LIPK: variants seen among roughly 807,000 people sequenced by gnomAD.
LIPK encodes lipase family member K.
Under a neutral mutation model 48.6 loss-of-function variants are expected in LIPK, and 32 were observed. The ratio of observed to expected loss-of-function variants is 0.66; its 90% CI spans 0.50 to 0.88. The LOEUF (loss-of-function observed/expected upper bound fraction) is 0.88, where lower values mean the gene tolerates loss of function less well. Ranked by LOEUF, LIPK falls within the 40% of genes least tolerant of loss-of-function variation. The pLI, the probability that LIPK is intolerant of heterozygous loss-of-function variation, is 0.00. For missense variants in LIPK, 507 were observed against 478.5 expected (o/e 1.06, Z -0.56); for synonymous variants, 164 against 157.4 (o/e 1.04, Z -0.32).
At chr10:88,740,725 G>C (rs442131) in intron 8 of LIPK, among the ~76,000 whole-genome samples, 33,060 of 152,018 alleles carry the variant, frequency 0.22, 3,751 homozygotes, top group East Asian at 0.36. Context: ...CAGTCACAAC[G>C]CCTTTTGAAA....
intron 6 of LIPK, among the ~76,000 whole-genome samples, chr10:88,737,284 G>T (rs1842591735): frequency 6.6e-6 from 1 of 152,096 alleles, no homozygotes; most frequent in South Asian, 2.1e-4. Flanking sequence ...CCATTTTATA[G>T]ATGAGAAAAT....
At chr10:88,728,482 G>A in intron 3 of LIPK, 1 of 221,028 alleles carries the variant, frequency 4.5e-6, no homozygotes, top group Non-Finnish European at 9.3e-6. Context: ...AGAGAACGCA[G>A]AGCAGCGTGG....
chr10:88,734,005 G>T (rs188879682), intron 6 of LIPK, among the ~76,000 whole-genome samples: 8 of 152,254 alleles, frequency 5.3e-5, no homozygotes, highest in Admixed American at 4.6e-4. Flanking sequence ...TGTTAATGAA[G>T]GGAGGCCATT....
At chr10:88,746,565 A>G (rs1842769337) in intron 9 of LIPK, among the ~76,000 whole-genome samples, 1 of 152,196 alleles carries the variant, frequency 6.6e-6, no homozygotes, top group African/African-American at 2.4e-5. Context: ...ATTCTTTGAA[A>G]CTAATGAAAA....
chr10:88,728,744 C>T (rs1564981300), intron 3 of LIPK: 15 of 267,748 alleles, frequency 5.6e-5, no homozygotes, highest in Non-Finnish European at 9.1e-5. Flanking sequence ...TGGGCTCGGC[C>T]TCACAAGCTC....
At chr10:88,710,302 G>A (rs1470796508) in intron 1 of LIPK, among the ~76,000 whole-genome samples, 1 of 152,144 alleles carries the variant, frequency 6.6e-6, no homozygotes, top group Non-Finnish European at 1.5e-5. Context: ...GATATAAAAT[G>A]TGGATGTTCT....
chr10:88,718,536 ATTTTTC>A lies in LIPK; in HGVS notation c.-11-5995_-11-5990del, dbSNP rs1481889339. 4.0e-5 allele frequency among the ~76,000 whole-genome samples: 6 copies of A among 151,732 alleles called. No homozygotes were observed. In the East Asian group the frequency reaches 1.2e-3, roughly 29 times the overall value. On this transcript the variant is annotated intron_variant, in intron 1 of 9. Coordinates refer to ENST00000404190, the MANE Select transcript of LIPK (RefSeq NM_001080518.2). The stretch of plus-strand genomic sequence containing the variant: ...CATATACAAGAAATTTTCTATTTTC[ATTTTTC>A]TGGGCCCTATCCTATTTTTTACTTT...
chr10:88,719,861 G>T (rs542895590), intron 1 of LIPK, among the ~76,000 whole-genome samples: 1 of 152,294 alleles, frequency 6.6e-6, no homozygotes, highest in Admixed American at 6.5e-5. Flanking sequence ...ATATTCTTTT[G>T]TTGAGAAATT....
intron 9 of LIPK, among the ~76,000 whole-genome samples, chr10:88,752,281 C>T (rs762278365): frequency 1.3e-5 from 2 of 152,138 alleles, no homozygotes. Flanking sequence ...TTTATTTTCC[C>T]AAACGTGCAA....
intron 6 of LIPK, among the ~76,000 whole-genome samples, chr10:88,736,002 G>A (rs991767554): frequency 2.6e-5 from 4 of 152,110 alleles, no homozygotes; most frequent in Non-Finnish European, 4.4e-5. Context: ...TCAGAACAGA[G>A]ATTATCTTGT....
chr10:88,726,287 C>T (rs1174602321), intron 2 of LIPK, among the ~76,000 whole-genome samples: 4 of 152,232 alleles, frequency 2.6e-5, no homozygotes, highest in Non-Finnish European at 5.9e-5. Context: ...CCAGACTTAC[C>T]TATGCCTCTT....
rs574121739 is a variant in LIPK, at chr10:88,728,367, C to T, written c.223+1455C>T. ...CAGGTCGAGTATGAGGTGCTGCAGG[C>T]CTTGGCTGGGAAGGCTGAGAATGAG... On this transcript the variant is annotated intron_variant, in intron 3 of 9. Transcript: ENST00000404190. 1.3e-4 allele frequency: 24 copies of T among 188,934 alleles called. No individual in the cohort carries two copies. In the South Asian group the frequency reaches 2.0e-3, roughly 16 times the overall value. 11.7% of individuals were successfully genotyped at this position (188,934 alleles called of 1,614,324 possible). A position where few individuals can be genotyped will look rare whatever the true frequency, so the allele number is the denominator to read the frequency against.
At chr10:88,712,241 T>G (rs2134683047) in intron 1 of LIPK, among the ~76,000 whole-genome samples, 1 of 152,334 alleles carries the variant, frequency 6.6e-6, no homozygotes, top group East Asian at 1.9e-4. Context: ...GCAAGTGTAG[T>G]GCAATGATGA....
At chr10:88,728,166 G>T (rs147008921) in intron 3 of LIPK, 9 of 201,854 alleles carry the variant, frequency 4.5e-5, no homozygotes, top group Non-Finnish European at 8.2e-5. Context: ...GCCTAAAAGG[G>T]CTGCCCCAGG....
chr10:88,752,378 A>G, intron 9 of LIPK, 139 bp from the exon 10 acceptor site: 1 of 570,800 alleles, frequency 1.8e-6, no homozygotes, highest in South Asian at 2.8e-5. Flanking sequence ...TTAACATTTT[A>G]ATGTTTATAT....
At chr10:88,737,580 C>G in intron 6 of LIPK, 55 bp from the exon 7 acceptor site, 11 of 1,582,970 alleles carry the variant, frequency 6.9e-6, no homozygotes, top group Non-Finnish European at 9.5e-6. Flanking sequence ...ATCTCTTTCT[C>G]CACTTTTGAT....
chr10:88,743,180 A>G (rs1198394920), intron 8 of LIPK, 70 bp from the exon 9 acceptor site: 2 of 1,017,990 alleles, frequency 2.0e-6, no homozygotes, highest in Non-Finnish European at 3.0e-6. Context: ...TTCTTTGTAT[A>G]TTTCTTCTGT....
At position 88,737,660 on chromosome 10, in the gene LIPK, AC is replaced by A; in HGVS notation, c.698del (p.Pro233LeufsTer30). 6.2e-7 allele frequency: 1 copy of A among 1,613,694 alleles called. No individual in the cohort carries two copies. The highest frequency in any genetic ancestry group is 8.5e-7 in the Non-Finnish European group (1 of 1,179,734). On this transcript the variant is annotated frameshift_variant, in exon 7 of 10. Coordinates refer to ENST00000404190, the MANE Select transcript of LIPK (RefSeq NM_001080518.2). LOFTEE classifies it high-confidence loss of function. ...VKVLFGDKMF[H>X]PHTLFDQFIA... ...GTGTTGTTTGGTGACAAAATGTTCC[AC>A]CCTCATACATTGTTTGACCAATTCA...
At chr10:88,738,467 T>A (rs551569769) in intron 7 of LIPK, among the ~76,000 whole-genome samples, 1 of 152,220 alleles carries the variant, frequency 6.6e-6, no homozygotes, top group Non-Finnish European at 1.5e-5. Flanking sequence ...AAGCACTGAT[T>A]AAAATTTTTC....
Sources: gnomAD v4.1 joint callset for allele counts (sites outside exome capture counted in the v4.1 genomes callset) on GRCh38, gnomAD v4.1.1 for gene constraint, MANE v1.5 for transcripts, NCBI Gene and HGNC (gene_info 2026-07-23, HGNC 2026-07-21) for gene names.